The following PARD3B variants were observed in gnomAD, a reference collection of about 807,000 sequenced individuals.
PARD3B encodes the protein par-3 family cell polarity regulator beta.
In PARD3B, 103 loss-of-function variants were observed where a neutral mutation model predicts 130.2. The ratio of observed to expected loss-of-function variants is 0.79; its 90% CI spans 0.67 to 0.93. PARD3B has a LOEUF of 0.93. Among genes scored for constraint, PARD3B ranks in the 40% least tolerant of loss-of-function variants. The pLI is 0.00. For synonymous variants in PARD3B, 583 were observed against 553.2 expected, an observed-to-expected ratio of 1.05 and a Z score of -0.76; for missense variants, 1,609 against 1,499.2, an observed-to-expected ratio of 1.07 and a Z score of -1.21.
intron 3 of PARD3B, among the ~76,000 whole-genome samples, chr2:205,034,954 T>A (rs2125372352): frequency 6.6e-6 from 1 of 152,250 alleles, no homozygotes; most frequent in Non-Finnish European, 1.5e-5. Flanking sequence ...CCACCTGAGT[T>A]CAAGTGATCC....
chr2:204,593,439 A>G (rs1294913119), intron 1 of PARD3B, among the ~76,000 whole-genome samples: 2 of 152,168 alleles, frequency 1.3e-5, no homozygotes, highest in African/African-American at 4.8e-5. Context: ...TTCAGTAAAT[A>G]CTTGTTGTCT....
intron 16 of PARD3B, among the ~76,000 whole-genome samples, chr2:205,248,089 C>CAGCT (rs2039648247): frequency 1.3e-5 from 2 of 151,986 alleles, no homozygotes; most frequent in African/African-American, 4.8e-5. Context: ...CCACCATGCC[C>CAGCT]AGCTAACTTT....
rs547619687 is a variant in PARD3B, at chr2:205,182,752, C to A, written c.1925-3012C>A. 2.0e-5 allele frequency among the ~76,000 whole-genome samples: 3 copies of A among 152,310 alleles called. No individual in the cohort carries two copies. The East Asian group carries it at 5.8e-4, about 29-fold the overall frequency. ...AGTCTATTTCCTGGTCCTGTCACTG[C>A]ACAATGAGGTTTGGCAGCTGTGCTC... On this transcript the variant is annotated intron_variant, in intron 13 of 22. Coordinates refer to ENST00000406610, the MANE Select transcript of PARD3B (RefSeq NM_001302769.2).
intron 2 of PARD3B, among the ~76,000 whole-genome samples, chr2:204,919,654 A>G (rs943300672): frequency 6.6e-6 from 1 of 152,198 alleles, no homozygotes; most frequent in African/African-American, 2.4e-5. Flanking sequence ...GATAATGGAC[A>G]TCTGGGATTT....
rs147801533 is a variant in PARD3B, at chr2:204,710,557, T to C, written c.222+24275T>C. On this transcript the variant is annotated intron_variant, in intron 2 of 22. Transcript: ENST00000406610. ...AGGGGCTCAAAGTCTTGGGCACTCA[T>C]TGGGGCTGTGTCCACCGATTACTGA... 3.5e-3 allele frequency among the ~76,000 whole-genome samples: 532 copies of C among 152,308 alleles called. 3 individuals carry two copies. Among genetic ancestry groups the C allele is most frequent in the African/African-American group, 0.012 (500 of 41,576 alleles).
At position 205,351,700 on chromosome 2, in the gene PARD3B, T is replaced by C. The variant is rs980517909; in HGVS notation, c.2631-49313T>C. ...CGGTGATGTTTTCTGATTCTCTATA[T>C]GATTTTAACTCTAGAATTGCTAAAG... On this transcript the variant is annotated intron_variant, in intron 18 of 22. Transcript: ENST00000406610. The surrounding 1 kb of genome is among the most constrained non-coding windows in gnomAD (Gnocchi z 4.2). Among the ~76,000 whole-genome samples, 2 of 152,126 alleles carry C rather than the reference T, an allele frequency of 1.3e-5. No individual in the cohort carries two copies. The highest frequency in any genetic ancestry group is 2.4e-5 in the African/African-American group (1 of 41,434).
At chr2:205,220,883 G>A (rs552536767) in intron 15 of PARD3B, among the ~76,000 whole-genome samples, 2 of 152,112 alleles carry the variant, frequency 1.3e-5, no homozygotes, top group East Asian at 1.9e-4. Context: ...CTTGTGGTGA[G>A]GCTGGATTGG....
intron 15 of PARD3B, among the ~76,000 whole-genome samples, chr2:205,238,894 A>ATATATATATATATGTATGTG (rs2039218150): frequency 7.9e-6 from 1 of 125,882 alleles, no homozygotes; most frequent in Non-Finnish European, 1.7e-5. Context: ...GTGTATATAT[A>ATATATATATATATGTATGTG]TATATATATA....
intron 6 of PARD3B, among the ~76,000 whole-genome samples, chr2:205,115,972 GT>G (rs1247712714): frequency 6.6e-6 from 1 of 151,178 alleles, no homozygotes; most frequent in Non-Finnish European, 1.5e-5. Context: ...TGCCACACCT[GT>G]TGTTGAATAA....
chr2:204,749,355 C>T (rs1277779341), intron 2 of PARD3B, among the ~76,000 whole-genome samples: 1 of 152,126 alleles, frequency 6.6e-6, no homozygotes, highest in African/African-American at 2.4e-5. Flanking sequence ...ATTGTAACAA[C>T]ACTCTTTTTA....
chr2:205,614,857 G>A (rs1419635955), intron 22 of PARD3B, among the ~76,000 whole-genome samples: 11 of 152,078 alleles, frequency 7.2e-5, no homozygotes, highest in Non-Finnish European at 1.3e-4. Flanking sequence ...ATGACAGCCC[G>A]TTTAAAAGAG....
At chr2:205,504,082 G>A (rs1005609255) in intron 21 of PARD3B, among the ~76,000 whole-genome samples, 5 of 151,760 alleles carry the variant, frequency 3.3e-5, no homozygotes, top group Non-Finnish European at 5.9e-5. Flanking sequence ...GGGCTGAAAC[G>A]ATGCCACATA....
intron 2 of PARD3B, among the ~76,000 whole-genome samples, chr2:204,884,817 C>G (rs2046213295): frequency 1.3e-5 from 2 of 152,158 alleles, no homozygotes; most frequent in South Asian, 4.1e-4. Flanking sequence ...TATCTCATTC[C>G]TTTTTATGGC....
intron 21 of PARD3B, among the ~76,000 whole-genome samples, chr2:205,504,766 A>G (rs545533788): frequency 1.5e-4 from 23 of 152,336 alleles, no homozygotes; most frequent in African/African-American, 5.5e-4. Flanking sequence ...ATGTGGAGAA[A>G]TAGGAACACT....
chr2:204,774,321 A>C (rs2041518785), intron 2 of PARD3B, among the ~76,000 whole-genome samples: 1 of 152,076 alleles, frequency 6.6e-6, no homozygotes, highest in South Asian at 2.1e-4. Flanking sequence ...CTTTGTCCTC[A>C]GAATTCTCAG....
chr2:205,126,807 A>G (rs911335052), intron 10 of PARD3B, among the ~76,000 whole-genome samples: 5 of 151,036 alleles, frequency 3.3e-5, no homozygotes, highest in African/African-American at 9.7e-5. Context: ...GCATGAGAAA[A>G]TGTTCATAAT....
intron 16 of PARD3B, among the ~76,000 whole-genome samples, chr2:205,289,641 C>T (rs1207426): frequency 0.91 from 139,010 of 152,116 alleles, 63,737 homozygotes; most frequent in African/African-American, 0.96. Flanking sequence ...AGTGCAGCAG[C>T]GTGGAGATAG....
chr2:205,513,741 G>C (rs2050679725), intron 21 of PARD3B, among the ~76,000 whole-genome samples: 1 of 152,040 alleles, frequency 6.6e-6, no homozygotes, highest in African/African-American at 2.4e-5. Flanking sequence ...ACTTGACTCT[G>C]AGGAATCGAA....
intron 1 of PARD3B, among the ~76,000 whole-genome samples, chr2:204,621,445 A>G (rs2034299667): frequency 1.3e-5 from 2 of 152,332 alleles, no homozygotes; most frequent in South Asian, 4.1e-4. Context: ...CTACTAAATA[A>G]TGCTATCCCA....
Sources: gnomAD v4.1 joint callset for allele counts (sites outside exome capture counted in the v4.1 genomes callset) on GRCh38, gnomAD v4.1.1 for gene constraint, Gnocchi (gnomAD v3.1) non-coding constraint, MANE v1.5 for transcripts, NCBI Gene and HGNC (gene_info 2026-07-23, HGNC 2026-07-21) for gene names.